COBLL1: variants seen among roughly 807,000 people sequenced by gnomAD.
COBLL1 encodes the protein cordon-bleu WH2 repeat protein like 1, also known as cordon-bleu protein-like 1.
In COBLL1, 50 loss-of-function variants were observed where a neutral mutation model predicts 94.8. The ratio of observed to expected loss-of-function variants is 0.53; its 90% CI spans 0.42 to 0.67. The LOEUF is 0.67. COBLL1 is among the 30% of genes least tolerant of loss of function. The pLI is 0.00. For synonymous variants in COBLL1, 448 were observed against 473.8 expected (o/e 0.95, Z 0.71); for missense variants, 1,362 against 1,348.7 (o/e 1.01, Z -0.15).
At chr2:164,707,261 C>T (rs1305093630) in intron 7 of COBLL1, among the ~76,000 whole-genome samples, 1 of 152,162 alleles carries the variant, frequency 6.6e-6, no homozygotes, top group Non-Finnish European at 1.5e-5. Context: ...ATGCCTCAGC[C>T]TCCTGAGTAG....
intron 2 of COBLL1, among the ~76,000 whole-genome samples, chr2:164,827,714 A>T (rs1387955261): frequency 6.6e-6 from 1 of 152,232 alleles, no homozygotes; most frequent in Non-Finnish European, 1.5e-5. Flanking sequence ...TGTACTAGTC[A>T]CACAATTAAT....
chr2:164,818,282 A>T (rs913624993), intron 2 of COBLL1, among the ~76,000 whole-genome samples: 3 of 148,280 alleles, frequency 2.0e-5, no homozygotes, highest in Non-Finnish European at 4.5e-5. Flanking sequence ...GTATGTATAC[A>T]TATATGTATG....
chr2:164,830,999 A>G (rs1199084282), intron 2 of COBLL1, among the ~76,000 whole-genome samples: 1 of 152,228 alleles, frequency 6.6e-6, no homozygotes, highest in African/African-American at 2.4e-5. Context: ...GAAAAGACTG[A>G]TATCATAGGA....
At chr2:164,753,115 A>G (rs1687209215) in intron 2 of COBLL1, among the ~76,000 whole-genome samples, 1 of 152,160 alleles carries the variant, frequency 6.6e-6, no homozygotes, top group Admixed American at 6.5e-5. Flanking sequence ...CTGGTCAGGA[A>G]AGGGTCTCCT....
At chr2:164,789,496 A>G (rs951221157) in intron 2 of COBLL1, among the ~76,000 whole-genome samples, 1 of 152,174 alleles carries the variant, frequency 6.6e-6, no homozygotes, top group Non-Finnish European at 1.5e-5. Context: ...CTTCAAAGGA[A>G]GTGCAATGTT....
At chr2:164,665,658 G>A (rs920550914) in intron 2 of COBLL1, among the ~76,000 whole-genome samples, 2 of 152,082 alleles carry the variant, frequency 1.3e-5, no homozygotes, top group African/African-American at 4.8e-5. Context: ...TAAGCTGGAT[G>A]GTAGCTATTT....
intron 2 of COBLL1, among the ~76,000 whole-genome samples, chr2:164,661,616 T>A (rs991718119): frequency 2.0e-5 from 3 of 152,136 alleles, no homozygotes; most frequent in Non-Finnish European, 1.5e-5. Flanking sequence ...GTTCACTGAT[T>A]ACTATCTTTC....
intron 2 of COBLL1, among the ~76,000 whole-genome samples, chr2:164,811,575 C>A (rs772055221): frequency 2.0e-5 from 3 of 151,864 alleles, no homozygotes; most frequent in Non-Finnish European, 4.4e-5. Context: ...ATATTGGATT[C>A]CAGTATCTCT....
intron 7 of COBLL1, among the ~76,000 whole-genome samples, chr2:164,709,600 C>A (rs1022800620): frequency 1.3e-5 from 2 of 152,112 alleles, no homozygotes; most frequent in Non-Finnish European, 2.9e-5. Context: ...TGCCTGTAAT[C>A]CCAGCTACTT....
chr2:164,826,530 C>G (rs1183610716), intron 2 of COBLL1, among the ~76,000 whole-genome samples: 1 of 152,172 alleles, frequency 6.6e-6, no homozygotes, highest in Non-Finnish European at 1.5e-5. Context: ...GTATTATTTT[C>G]ACACTTTCAT....
chr2:164,840,209 G>C (rs974431446), intron 2 of COBLL1, among the ~76,000 whole-genome samples: 2 of 151,456 alleles, frequency 1.3e-5, no homozygotes, highest in African/African-American at 4.9e-5. Context: ...TCTATTTCTG[G>C]AATGCTCGTA....
rs560372337 is a variant in COBLL1, at chr2:164,716,912, C to T, written c.996+5163G>A. 5.8e-4 allele frequency among the ~76,000 whole-genome samples: 89 copies of T among 152,224 alleles called. 1 individual carries two copies. Among genetic ancestry groups the T allele is most frequent in the African/African-American group, 2.1e-3 (89 of 41,556 alleles). ...TGTGGTTGACAAAATTTTTCCTAAG[C>T]TACAGATTTACTGACATCAGTAAAC... On this transcript the variant is annotated intron_variant, in intron 7 of 13. Transcript: ENST00000652658.
chr2:164,835,069 A>G (rs1683255185), intron 2 of COBLL1, among the ~76,000 whole-genome samples: 1 of 151,956 alleles, frequency 6.6e-6, no homozygotes, highest in South Asian at 2.1e-4. Flanking sequence ...GTAAAAAAAA[A>G]CAAAACAAAA....
At chr2:164,832,281 T>G (rs547680143) in intron 2 of COBLL1, among the ~76,000 whole-genome samples, 30 of 152,370 alleles carry the variant, frequency 2.0e-4, no homozygotes, top group Non-Finnish European at 1.9e-4. Context: ...GATGTAAAGC[T>G]TTACTTTAGG....
At chr2:164,733,358 AT>A (rs1217388133) in intron 3 of COBLL1, among the ~76,000 whole-genome samples, 151 of 152,312 alleles carry the variant, frequency 9.9e-4, no homozygotes, top group African/African-American at 3.6e-3. Flanking sequence ...TATATCAGAT[AT>A]CATGAGAAAA....
chr2:164,805,983 A>C (rs1684136002), intron 2 of COBLL1, among the ~76,000 whole-genome samples: 1 of 152,174 alleles, frequency 6.6e-6, no homozygotes, highest in South Asian at 2.1e-4. Flanking sequence ...TCTCTCCAGC[A>C]TTTGGTGTCG....
intron 2 of COBLL1, among the ~76,000 whole-genome samples, chr2:164,765,612 C>T (rs355840): frequency 3.3e-5 from 5 of 151,798 alleles, no homozygotes; most frequent in Non-Finnish European, 7.4e-5. Context: ...ATTGGCAAAG[C>T]GTTTGTGACA....
At chr2:164,839,869 A>T (rs1482037829) in intron 2 of COBLL1, among the ~76,000 whole-genome samples, 1 of 152,248 alleles carries the variant, frequency 6.6e-6, no homozygotes, top group Non-Finnish European at 1.5e-5. Context: ...CTGGGGAAAG[A>T]AAAGAAATGA....
intron 2 of COBLL1, among the ~76,000 whole-genome samples, chr2:164,792,335 C>A (rs1036169905): frequency 1.4e-4 from 21 of 151,936 alleles, no homozygotes; most frequent in African/African-American, 4.6e-4. Flanking sequence ...CACTATGTTG[C>A]CCAGGCTGGT....
Sources: allele counts gnomAD v4.1 joint callset (sites outside exome capture counted in the v4.1 genomes callset), GRCh38; gene constraint gnomAD v4.1.1; transcripts MANE v1.5; gene names NCBI Gene and HGNC (gene_info 2026-07-23, HGNC 2026-07-21).